PLA2G4C: variants seen among roughly 807,000 people sequenced by gnomAD.
The protein encoded by PLA2G4C is cytosolic phospholipase A2 gamma.
Under a neutral mutation model 73.8 loss-of-function variants are expected in PLA2G4C, and 64 were observed. The observed-to-expected ratio is 0.87, with a 90% CI of 0.71 to 1.07. PLA2G4C has a LOEUF of 1.07. Among genes scored for constraint, PLA2G4C ranks in the 50% least tolerant of loss-of-function variants. The probability of loss-of-function intolerance (pLI) is 0.00; values close to 1 mark genes in which losing one functional copy is unlikely to be tolerated. For missense variants in PLA2G4C, 622 were observed against 665.4 expected, an observed-to-expected ratio of 0.93 and a Z score of 0.72; for synonymous variants, 254 against 252.1, an observed-to-expected ratio of 1.01 and a Z score of -0.07.
rs1046589558 is a variant in PLA2G4C, at chr19:48,110,808, T to C, written c.-354A>G. 2.0e-5 allele frequency: 7 copies of C among 353,132 alleles called. No homozygotes were observed. The highest frequency in any genetic ancestry group is 1.5e-4 in the African/African-American group (7 of 47,158). The allele number at this position is 353,132 out of a possible 1,614,324, so 21.9% of individuals were successfully genotyped here. A position where few individuals can be genotyped will look rare whatever the true frequency, so the allele number is the denominator to read the frequency against. On this transcript the variant is annotated 5_prime_UTR_variant, in exon 1 of 17. Transcript: ENST00000599921. ...GTAGGCCCTGCTTGGTTGCTCCAGC[T>C]TTTTCAGCTGTTCCAGAGCTCACCC...
Position 48,055,052 on chromosome 19 carries a change from G to A in PLA2G4C, c.1258-3C>T, listed in dbSNP as rs774376646. The A allele has an allele frequency of 3.1e-6, 5 of 1,595,434 alleles. No individual in the cohort carries two copies. Among genetic ancestry groups the A allele is most frequent in the Non-Finnish European group, 4.3e-6 (5 of 1,171,646 alleles). ...TAGTCAGTGGTAGCCCGGATGGTCT[G>A]AGAAGGAGGCAATAAGAAATGGTTG... is the stretch of plus-strand genomic sequence containing the variant. On this transcript the variant is annotated splice_region_variant and splice_polypyrimidine_tract_variant and intron_variant, in intron 14 of 16. Coordinates refer to ENST00000599921, the MANE Select transcript of PLA2G4C (RefSeq NM_003706.3).
At chr19:48,103,182 T>G (rs1372307400) in intron 4 of PLA2G4C, among the ~76,000 whole-genome samples, 1 of 152,066 alleles carries the variant, frequency 6.6e-6, no homozygotes, top group East Asian at 1.9e-4. Flanking sequence ...CAGGCCTGCC[T>G]TTTTAACCAC....
intron 14 of PLA2G4C, among the ~76,000 whole-genome samples, chr19:48,057,867 G>T (rs1968016378): frequency 6.6e-6 from 1 of 151,700 alleles, no homozygotes; most frequent in African/African-American, 2.4e-5. Flanking sequence ...ACAGGATCTT[G>T]CTGTGTCGCC....
chr19:48,058,999 G>A (rs1422424832), intron 14 of PLA2G4C, among the ~76,000 whole-genome samples: 1 of 151,764 alleles, frequency 6.6e-6, no homozygotes, highest in East Asian at 2.0e-4. Context: ...TTGGCCGGGC[G>A]TGGTGGCTCA....
chr19:48,083,192 CT>C (rs1455631870), intron 10 of PLA2G4C, among the ~76,000 whole-genome samples: 1 of 152,094 alleles, frequency 6.6e-6, no homozygotes, highest in Non-Finnish European at 1.5e-5. Flanking sequence ...ATGTGTCAAG[CT>C]TTGCTCTAAG....
In PLA2G4C at chr19:48,110,739, G is replaced by GA. The variant is rs796945042; in HGVS notation, c.-286dup. The GA allele has an allele frequency of 7.3e-6, 3 of 409,998 alleles. No individual in the cohort carries two copies. The highest frequency in any genetic ancestry group is 1.3e-5 in the Non-Finnish European group (3 of 238,874). 25.4% of individuals were successfully genotyped at this position (409,998 alleles called of 1,614,324 possible). ...CCTGGTCCTGAGCAGGGCCAACCTGGAGGTAAAATGGCCCCTGCGCCTTTA... is the reference window on the plus strand; with the variant it reads ...CCTGGTCCTGAGCAGGGCCAACCTGGAAGGTAAAATGGCCCCTGCGCCTTTA... On this transcript the variant is annotated 5_prime_UTR_variant, in exon 1 of 17. Coordinates refer to ENST00000599921, the MANE Select transcript of PLA2G4C (RefSeq NM_003706.3).
chr19:48,086,681 G>T (rs912498697), intron 9 of PLA2G4C, among the ~76,000 whole-genome samples: 3 of 152,088 alleles, frequency 2.0e-5, no homozygotes, highest in Non-Finnish European at 4.4e-5. Flanking sequence ...CCACCTGCTG[G>T]GTGGAGGCCA....
chr19:48,054,722 A>G (rs1055211722), intron 15 of PLA2G4C, among the ~76,000 whole-genome samples, 156 bp downstream of exon 15: 2 of 152,100 alleles, frequency 1.3e-5, no homozygotes, highest in African/African-American at 4.8e-5. Flanking sequence ...TTCCACCATG[A>G]CTGTAAGTTT....
chr19:48,106,643 G>C, intron 1 of PLA2G4C, 82 bp from the exon 2 acceptor site: 1 of 1,056,326 alleles, frequency 9.5e-7, no homozygotes, highest in African/African-American at 1.5e-5. Context: ...GGACTGTCAC[G>C]GGCTCATGGG....
rs1967889048 is a variant in PLA2G4C at position 48,055,138 on chromosome 19, T to C, written c.1258-89A>G. 5 of 1,096,772 alleles carry C rather than the reference T, an allele frequency of 4.6e-6. No individual in the cohort carries two copies. The South Asian group carries it at 7.5e-5, about 16-fold the overall frequency. The allele number at this position is 1,096,772 out of a possible 1,614,324, so 67.9% of individuals were successfully genotyped here. A position where few individuals can be genotyped will look rare whatever the true frequency, so the allele number is the denominator to read the frequency against. On this transcript the variant is annotated intron_variant, in intron 14 of 16. Transcript: ENST00000599921. ...TGGGGCCTGGAGACCCAATGGGACC[T>C]CAGCTAACAGCCCAGACACACAACA...
chr19:48,093,487 G>A (rs1568446783), intron 7 of PLA2G4C, among the ~76,000 whole-genome samples: 2 of 152,078 alleles, frequency 1.3e-5, no homozygotes, highest in East Asian at 3.9e-4. Context: ...AGAGTGAGAT[G>A]TTTTACCATA....
At chr19:48,074,988 C>T (rs540471075) in intron 11 of PLA2G4C, 114 bp from the exon 12 acceptor site, 31 of 634,630 alleles carry the variant, frequency 4.9e-5, no homozygotes, top group African/African-American at 3.6e-4. Context: ...CCTGAGGTGA[C>T]CTCCTTCTCC....
chr19:48,103,713 A>G (rs2032029760), intron 4 of PLA2G4C, among the ~76,000 whole-genome samples: 1 of 152,138 alleles, frequency 6.6e-6, no homozygotes, highest in Non-Finnish European at 1.5e-5. Context: ...AGAGGCTGAT[A>G]AGTTAAAAGG....
intron 12 of PLA2G4C, among the ~76,000 whole-genome samples, chr19:48,071,923 G>A (rs1052505852): frequency 2.0e-5 from 3 of 151,822 alleles, no homozygotes; most frequent in Admixed American, 6.6e-5. Context: ...TGAGGTGGGC[G>A]GATCACAAGG....
chr19:48,106,412 C>T (rs1048180161), intron 2 of PLA2G4C, 110 bp downstream of exon 2: 11 of 883,204 alleles, frequency 1.2e-5, no homozygotes, highest in Non-Finnish European at 2.1e-5. Flanking sequence ...TTCCATCTAT[C>T]TCCACCAAGC....
At chr19:48,062,254 G>A in intron 13 of PLA2G4C, 102 bp from the exon 14 acceptor site, 3 of 1,047,716 alleles carry the variant, frequency 2.9e-6, no homozygotes, top group Non-Finnish European at 4.0e-6. Context: ...ATCGTTGTCA[G>A]TGTAGACAGC....
intron 4 of PLA2G4C, among the ~76,000 whole-genome samples, chr19:48,100,919 GA>G (rs57288809): frequency 2.2e-4 from 26 of 120,282 alleles, no homozygotes; most frequent in South Asian, 5.6e-4. Context: ...ATCTCAAAAA[GA>G]AAAAAAAAAA....
chr19:48,099,624 C>G (rs1222204409), intron 5 of PLA2G4C, 47 bp downstream of exon 5: 2 of 1,407,208 alleles, frequency 1.4e-6, no homozygotes, highest in Non-Finnish European at 2.0e-6. Flanking sequence ...ACCCTGAGAC[C>G]CCTTGCTCCT....
At chr19:48,052,868 C>A in intron 16 of PLA2G4C, 129 bp downstream of exon 16, 1 of 948,558 alleles carries the variant, frequency 1.1e-6, no homozygotes, top group Non-Finnish European at 1.6e-6. Flanking sequence ...GAGACGCAAG[C>A]TCAAGTAGGG....
Sources: gnomAD v4.1 joint callset for allele counts (sites outside exome capture counted in the v4.1 genomes callset) on GRCh38, gnomAD v4.1.1 for gene constraint, MANE v1.5 for transcripts, NCBI Gene and HGNC (gene_info 2026-07-23, HGNC 2026-07-21) for gene names.